Variants in EOMES observed in about 807,000 individuals in gnomAD.
EOMES encodes eomesodermin homolog.
In EOMES, 18 loss-of-function variants were observed where a neutral mutation model predicts 61.0. The ratio of observed to expected loss-of-function variants is 0.30; its 90% CI spans 0.20 to 0.44. The LOEUF (loss-of-function observed/expected upper bound fraction) is 0.44. Ranked by LOEUF, EOMES falls within the 20% of genes least tolerant of loss-of-function variation. The probability of loss-of-function intolerance (pLI) is 1.00; values close to 1 mark genes in which losing one functional copy is unlikely to be tolerated. For synonymous variants in EOMES, 430 were observed against 394.0 expected (o/e 1.09, Z -1.08); for missense variants, 885 against 939.2 (o/e 0.94, Z 0.75).
chr3:27,720,149 C>T, intron 2 of EOMES, 22 bp downstream of exon 2: 1 of 1,538,434 alleles, frequency 6.5e-7, no homozygotes, highest in Non-Finnish European at 8.7e-7. Flanking sequence ...TCCTCCCCGG[C>T]CCGAGCCTCT....
In EOMES at chr3:27,718,807, C is replaced by T. The variant is rs774662226; in HGVS notation, c.1245G>A (p.Glu415=). 1 of 1,614,080 alleles carries T rather than the reference C, an allele frequency of 6.2e-7. No homozygotes were observed. The highest frequency in any genetic ancestry group is 1.1e-5 in the South Asian group (1 of 91,076). Residue 415 remains glutamate, a synonymous_variant, in exon 4 of 6, where the codon GAG becomes GAA. Coordinates refer to ENST00000449599, the MANE Select transcript of EOMES (RefSeq NM_001278182.2). Reference sequence around the variant, plus strand: ...AGGTAAAAGTCTGGGTCTTTGAGGGCTCATTCAAGTCCTCCACGCCATCCT... The same window carrying T: ...AGGTAAAAGTCTGGGTCTTTGAGGGTTCATTCAAGTCCTCCACGCCATCCT... The part of the protein sequence containing the change: ...VTEDGVEDLN[E]PSKTQTFTFS...
rs1381396846 is a variant in EOMES, at chr3:27,717,071, T to C, written c.2117A>G (p.Ter706=). ...GGYYAFYTTP[*] is the part of the protein sequence containing the mutation. The stretch of plus-strand genomic sequence containing the variant: ...AATTTTTGAGGTTAAAATAACTCTT[T>C]AGGGAGTTGTGTAAAAAGCATAATA... Residue 706 remains the stop codon, a stop_retained_variant, in exon 6 of 6, where the codon TAA becomes TGA. Transcript: ENST00000449599. This position sits in a 1 kb window ranked among gnomAD's most constrained non-coding sequence, Gnocchi z 4.5. 5 of 1,603,460 alleles carry C rather than the reference T, an allele frequency of 3.1e-6. No individual in the cohort carries two copies. Among genetic ancestry groups the C allele is most frequent in the East Asian group, 4.5e-5 (2 of 44,718 alleles).
Position 27,722,072 on chromosome 3 carries a change from C to T in EOMES, c.223G>A (p.Ala75Thr), listed in dbSNP as rs1174591076. The T allele has an allele frequency of 1.9e-6, 3 of 1,546,840 alleles. No individual in the cohort carries two copies. The highest frequency in any genetic ancestry group is 2.5e-5 in the East Asian group (1 of 40,532). The change falls in exon 1 of 6, where the codon GCC (alanine) becomes ACC (threonine). Residue 75 changes from alanine to threonine, a missense_variant. Ala to Thr is a moderately conservative substitution (Grantham distance 58, BLOSUM62 0). Transcript: ENST00000449599. ...SGEPAAASAG[A>T]PAAMLSDTDA... ...GTGTCACTAAGCATGGCCGCGGGGG[C>T]CCCTGCGCTGGCGGCTGCGGGCTCC...
rs534406435 is a variant in EOMES at position 27,721,525 on chromosome 3, C to T, written c.770G>A (p.Gly257Asp). The change falls in exon 1 of 6, where the codon GGC (glycine) becomes GAC (aspartate). Residue 257 changes from glycine (G) to aspartate (D), a missense_variant. Gly to Asp is a moderately conservative substitution (Grantham distance 94). Transcript: ENST00000449599. This position sits in a 1 kb window ranked among gnomAD's most constrained non-coding sequence, Gnocchi z 7.4. ...GAAGCCAGAACCTGGAACCCCCAGG[C>T]CCCCCAGTCCTCCGCAAGATCCCGC... ...AAAGSCGGLG[G>D]LGVPGSGFRA... 5 of 1,609,744 alleles carry T rather than the reference C, an allele frequency of 3.1e-6. No homozygotes were observed. Among genetic ancestry groups the T allele is most frequent in the Non-Finnish European group, 4.2e-6 (5 of 1,177,942 alleles).
At chr3:27,720,481 C>T (rs2060602920) in intron 1 of EOMES, among the ~76,000 whole-genome samples, 156 bp from the exon 2 acceptor site, 1 of 126,132 alleles carries the variant, frequency 7.9e-6, no homozygotes, top group Admixed American at 1.0e-4. Context: ...TGGTCTGAAA[C>T]TATGTAAAAT....
Position 27,722,269 on chromosome 3 carries a change from A to G in EOMES, c.26T>C (p.Val9Ala), listed in dbSNP as rs1285835848. The change falls in exon 1 of 6, where the codon GTG becomes GCG. Residue 9 changes from valine to alanine, a missense_variant. Transcript: ENST00000449599. MQLGEQLL[V>A]SSVNLPGAHF... ...CGCGCCAGGCAGGTTCACTGAGCTC[A>G]CCAAGAGCTGCTCCCCTAACTGCAT... 1 of 1,597,206 alleles carries G rather than the reference A, an allele frequency of 6.3e-7. No homozygotes were observed. Among genetic ancestry groups the G allele is most frequent in the Non-Finnish European group, 8.5e-7 (1 of 1,173,412 alleles).
Position 27,721,702 on chromosome 3 carries a change from G to C in EOMES, c.593C>G (p.Ala198Gly). Residue 198 changes from alanine (A) to glycine (G), a missense_variant, in exon 1 of 6, where the codon GCG becomes GGG. By Grantham distance (60) the Ala-to-Gly change is moderately conservative. Around this residue, in one of 3 missense-constraint regions of EOMES, gnomAD observed 449 missense variants for 383.6 expected, o/e 1.17. Transcript: ENST00000449599. The surrounding 1 kb of genome is among the most constrained non-coding windows in gnomAD (Gnocchi z 7.4). Reference sequence around the variant, plus strand: ...CGCCCTCCCGGGTGGGCACACAGCCGCGGGGAAGCCGCCGGGGGGCAGCAT... The same window carrying C: ...CGCCCTCCCGGGTGGGCACACAGCCCCGGGGAAGCCGCCGGGGGGCAGCAT... Reference protein sequence around the residue: ...GSMLPPGGFPAAVCPPGRAQF... With the variant: ...GSMLPPGGFPGAVCPPGRAQF... 6.7e-7 allele frequency: 1 copy of C among 1,490,726 alleles called. No individual in the cohort carries two copies. 92.3% of individuals were successfully genotyped at this position (1,490,726 alleles called of 1,614,324 possible).
rs1350858893 is a variant in EOMES at position 27,720,156 on chromosome 3, C to G, written c.1036+15G>C. On this transcript the variant is annotated intron_variant, in intron 2 of 5. Transcript: ENST00000449599. Reference sequence around the variant, plus strand: ...CCGCCCGTTCCTCCCCGGCCCGAGCCTCTTCTCTGCTCACCCTGCATGTTA... The same window carrying G: ...CCGCCCGTTCCTCCCCGGCCCGAGCGTCTTCTCTGCTCACCCTGCATGTTA... The G allele has an allele frequency of 6.5e-7, 1 of 1,547,160 alleles. No individual in the cohort carries two copies. The highest frequency in any genetic ancestry group is 2.0e-5 in the Admixed American group (1 of 48,862).
At chr3:27,720,888 C>T (rs2060607312) in intron 1 of EOMES, among the ~76,000 whole-genome samples, 2 of 152,108 alleles carry the variant, frequency 1.3e-5, no homozygotes, top group Non-Finnish European at 1.5e-5. Flanking sequence ...CCAGGTCTGG[C>T]TCCAGGGCAG....
chr3:27,719,380 C>A lies in EOMES; in HGVS notation c.1138G>T (p.Ala380Ser), dbSNP rs779384887. ...GKLKLTNNKGANNNNTQMIVL... is the reference protein window; with the variant it reads ...GKLKLTNNKGSNNNNTQMIVL... ...TCTACCTGGGTGTTGTTGTTATTTGCGCCTTTGTTATTGGTGAGTTTTAAT... is the reference window on the plus strand; with the variant it reads ...TCTACCTGGGTGTTGTTGTTATTTGAGCCTTTGTTATTGGTGAGTTTTAAT... The change falls in exon 3 of 6, where the codon GCA becomes TCA. Residue 380 changes from alanine to serine, a missense_variant. Ala to Ser is a moderately conservative substitution (Grantham distance 99, BLOSUM62 1). Transcript: ENST00000449599. The A allele has an allele frequency of 3.7e-6, 6 of 1,613,998 alleles. No individual in the cohort carries two copies. In the East Asian group the frequency reaches 6.7e-5, roughly 18 times the overall value.
In EOMES at chr3:27,717,281, G is replaced by T; in HGVS notation, c.1907C>A (p.Ser636Tyr). 1 of 1,613,950 alleles carries T rather than the reference G, an allele frequency of 6.2e-7. No homozygotes were observed. The highest frequency in any genetic ancestry group is 1.1e-5 in the South Asian group (1 of 91,082). Residue 636 changes from serine to tyrosine, a missense_variant, in exon 6 of 6, where the codon TCT (serine) becomes TAT (tyrosine). Ser to Tyr is a moderately radical substitution (Grantham distance 144, BLOSUM62 -2). Transcript: ENST00000449599. The surrounding 1 kb of genome is among the most constrained non-coding windows in gnomAD (Gnocchi z 4.5). Reference sequence around the variant, plus strand: ...GATGGAAGGGGGTGTCTCTATCCAAGAAGAGCCAATTTCCTCTTTCACTTT... The same window carrying T: ...GATGGAAGGGGGTGTCTCTATCCAATAAGAGCCAATTTCCTCTTTCACTTT... The part of the protein sequence containing the change: ...KEKVKEEIGS[S>Y]WIETPPSIKS...
chr3:27,721,544 A>T lies in EOMES; in HGVS notation c.751T>A (p.Ser251Thr). The T allele has an allele frequency of 1.2e-6, 2 of 1,607,406 alleles. No individual in the cohort carries two copies. The highest frequency in any genetic ancestry group is 1.7e-6 in the Non-Finnish European group (2 of 1,177,486). Residue 251 changes from serine (S) to threonine (T), a missense_variant, in exon 1 of 6, where the codon TCT becomes ACT. By Grantham distance (58) the Ser-to-Thr change is moderately conservative. Coordinates refer to ENST00000449599, the MANE Select transcript of EOMES (RefSeq NM_001278182.2). The surrounding 1 kb of genome is among the most constrained non-coding windows in gnomAD (Gnocchi z 7.4). Reference sequence around the variant, plus strand: ...CCCAGGCCCCCCAGTCCTCCGCAAGATCCCGCCGCTGCGGCTCCAGGGTAC... The same window carrying T: ...CCCAGGCCCCCCAGTCCTCCGCAAGTTCCCGCCGCTGCGGCTCCAGGGTAC... ...GPYPGAAAAGSCGGLGGLGVP... is the reference protein window; with the variant it reads ...GPYPGAAAAGTCGGLGGLGVP...
At chr3:27,722,644 A>G, upstream of EOMES, 2 of 1,068,236 alleles carry the variant, frequency 1.9e-6, no homozygotes, top group Non-Finnish European at 2.3e-6. Context: ...GTCCCCATCC[A>G]CCCACTAGCC....
chr3:27,720,082 G>T (rs78023811), intron 2 of EOMES, 89 bp downstream of exon 2: 1 of 1,287,740 alleles, frequency 7.8e-7, no homozygotes, highest in Non-Finnish European at 1.1e-6. Context: ...GAAAAAAAAA[G>T]TGCTACATTT....
At position 27,719,617 on chromosome 3, in the gene EOMES, T is replaced by A. The variant is rs78441419; in HGVS notation, c.1037-136A>T. 33 of 760,106 alleles carry A rather than the reference T, an allele frequency of 4.3e-5. No homozygotes were observed. In the African/African-American group the frequency reaches 5.2e-4, roughly 12 times the overall value. 47.1% of individuals were successfully genotyped at this position (760,106 alleles called of 1,614,324 possible). On this transcript the variant is annotated intron_variant, in intron 2 of 5. Transcript: ENST00000449599. ...CAGTTGGTCTCCCAGTAAAAGTTGCTTAAAGAGGCCAGTGGAGACCAGCAG... is the reference window on the plus strand; with the variant it reads ...CAGTTGGTCTCCCAGTAAAAGTTGCATAAAGAGGCCAGTGGAGACCAGCAG...
rs2060588622 is a variant in EOMES, at chr3:27,718,779, A to G, written c.1273T>C (p.Ser425Pro). Residue 425 changes from serine to proline, a missense_variant, in exon 4 of 6, where the codon TCA becomes CCA. Around this residue, in one of 3 missense-constraint regions of EOMES, gnomAD observed 177 missense variants for 273.3 expected, o/e 0.65. Coordinates refer to ENST00000449599, the MANE Select transcript of EOMES (RefSeq NM_001278182.2). ...GTCACTGCAATGAATTGCGTTTCTGAGAAGGTAAAAGTCTGGGTCTTTGAG... is the reference window on the plus strand; with the variant it reads ...GTCACTGCAATGAATTGCGTTTCTGGGAAGGTAAAAGTCTGGGTCTTTGAG... ...EPSKTQTFTFSETQFIAVTAY... is the reference protein window; with the variant it reads ...EPSKTQTFTFPETQFIAVTAY... 5 of 1,614,070 alleles carry G rather than the reference A, an allele frequency of 3.1e-6. No homozygotes were observed. The highest frequency in any genetic ancestry group is 2.7e-5 in the African/African-American group (2 of 74,930).
In EOMES at chr3:27,722,107, G is replaced by A. The variant is rs767239350; in HGVS notation, c.188C>T (p.Ala63Val). Residue 63 changes from alanine to valine, a missense_variant, in exon 1 of 6, where the codon GCG becomes GTG. Ala to Val is a moderately conservative substitution (Grantham distance 64). Around this residue, in one of 3 missense-constraint regions of EOMES, gnomAD observed 449 missense variants for 383.6 expected, o/e 1.17. Transcript: ENST00000449599. ...KKFSGSLSCE[A>V]VSGEPAAASA... is the part of the protein sequence containing the mutation. ...GGCGGCTGCGGGCTCCCCGCTCACC[G>A]CCTCGCAGGAGAGACTGCCGGAAAA... 9.0e-6 allele frequency: 14 copies of A among 1,549,210 alleles called. No homozygotes were observed. The highest frequency in any genetic ancestry group is 1.1e-5 in the Non-Finnish European group (13 of 1,146,612).
At position 27,716,897 on chromosome 3, in the gene EOMES, T is replaced by C. The variant is rs905907084; in HGVS notation, c.*173A>G. ...TTAAAAATGCTAGGTTTGTTTCAGT[T>C]ACCTGCAGCAATCAAAAAGCTTTGG... On this transcript the variant is annotated 3_prime_UTR_variant, in exon 6 of 6. Transcript: ENST00000449599. 3.4e-6 allele frequency: 2 copies of C among 581,142 alleles called. No individual in the cohort carries two copies. The highest frequency in any genetic ancestry group is 6.1e-6 in the Non-Finnish European group (2 of 329,510). 36.0% of individuals were successfully genotyped at this position (581,142 alleles called of 1,614,324 possible).
chr3:27,722,191 TG>T lies in EOMES; in HGVS notation c.103del (p.His35ThrfsTer14). ...ARGGSGGSAG[H>X]LPSAAPSPQK... ...AGGAGAGGGGGCCGCGCTGGGGAGG[TG>T]GCCAGCGCTCCCGCCGCTGCCGCCT... On this transcript the variant is annotated frameshift_variant, in exon 1 of 6. Transcript: ENST00000449599. LOFTEE classifies it high-confidence loss of function. The T allele has an allele frequency of 6.3e-7, 1 of 1,597,942 alleles. No homozygotes were observed. The highest frequency in any genetic ancestry group is 2.3e-5 in the East Asian group (1 of 43,934).
Sources: gnomAD v4.1 joint callset for allele counts (sites outside exome capture counted in the v4.1 genomes callset) on GRCh38, gnomAD v4.1.1 for gene constraint, gnomAD v4.1.1 regional missense constraint, Gnocchi (gnomAD v3.1) non-coding constraint, MANE v1.5 for transcripts, NCBI Gene and HGNC (gene_info 2026-07-23, HGNC 2026-07-21) for gene names.